AGPAT4: variants seen among roughly 807,000 people sequenced by gnomAD.
AGPAT4 encodes 1-acyl-sn-glycerol-3-phosphate acyltransferase delta.
A neutral mutation model predicts 48.0 loss-of-function variants in AGPAT4; 15 were observed. The ratio of observed to expected loss-of-function variants is 0.31; its 90% CI spans 0.21 to 0.48. The LOEUF (loss-of-function observed/expected upper bound fraction) is 0.48. Ranked by LOEUF, AGPAT4 falls within the 20% of genes least tolerant of loss-of-function variation. AGPAT4 has a pLI of 0.99. For missense variants in AGPAT4, 314 were observed against 482.5 expected, an observed-to-expected ratio of 0.65 and a Z score of 3.27; for synonymous variants, 178 against 198.7, an observed-to-expected ratio of 0.90 and a Z score of 0.88.
At chr6:161,193,361 G>T (rs1435555041) in intron 2 of AGPAT4, among the ~76,000 whole-genome samples, 1 of 152,050 alleles carries the variant, frequency 6.6e-6, no homozygotes, top group Non-Finnish European at 1.5e-5. Context: ...AACCTCCTAG[G>T]TTAATTTTTA....
At chr6:161,213,813 C>T (rs1781577096) in intron 2 of AGPAT4, among the ~76,000 whole-genome samples, 1 of 152,082 alleles carries the variant, frequency 6.6e-6, no homozygotes, top group Non-Finnish European at 1.5e-5. Flanking sequence ...AACTTAGATC[C>T]TACCTGTCTA....
In AGPAT4 at chr6:161,248,420, A is replaced by G. The variant is rs889658347; in HGVS notation, c.-89-16118T>C. ...AAACTCCGTCTCCACTAAAAATACA[A>G]AAAATTAGCCGGGCATGGTGGTGGG... On this transcript the variant is annotated intron_variant, in intron 1 of 8. Transcript: ENST00000320285. Among the ~76,000 whole-genome samples, 4 of 94,654 alleles carry G rather than the reference A, an allele frequency of 4.2e-5. No individual in the cohort carries two copies. In the South Asian group the frequency reaches 1.3e-3, roughly 30 times the overall value. 62.1% of individuals were successfully genotyped at this position (94,654 alleles called of 152,430 possible). A position where few individuals can be genotyped will look rare whatever the true frequency, so the allele number is the denominator to read the frequency against.
Position 161,165,851 on chromosome 6 carries a change from C to T in AGPAT4, c.348+397G>A. ...GATGTCTGCCTGTTAGCCAAGGAGGCAGTAGAGCATGGAATTAAGAAATAT... is the reference window on the plus strand; with the variant it reads ...GATGTCTGCCTGTTAGCCAAGGAGGTAGTAGAGCATGGAATTAAGAAATAT... On this transcript the variant is annotated intron_variant, in intron 3 of 8. Coordinates refer to ENST00000320285, the MANE Select transcript of AGPAT4 (RefSeq NM_020133.3). This position sits in a 1 kb window ranked among gnomAD's most constrained non-coding sequence, Gnocchi z 5.5. 3.4e-6 allele frequency: 2 copies of T among 591,648 alleles called. No homozygotes were observed. Among genetic ancestry groups the T allele is most frequent in the East Asian group, 6.3e-5 (2 of 31,962 alleles). The allele number at this position is 591,648 out of a possible 1,614,324, so 36.6% of individuals were successfully genotyped here.
rs570817201 is a variant in AGPAT4, at chr6:161,233,631, T to G, written c.-89-1329A>C. Among the ~76,000 whole-genome samples the G allele has an allele frequency of 3.3e-5, 5 of 152,356 alleles. No individual in the cohort carries two copies. The highest frequency in any genetic ancestry group is 1.2e-4 in the African/African-American group (5 of 41,590). On this transcript the variant is annotated intron_variant, in intron 1 of 8. Coordinates refer to ENST00000320285, the MANE Select transcript of AGPAT4 (RefSeq NM_020133.3). This position sits in a 1 kb window ranked among gnomAD's most constrained non-coding sequence, Gnocchi z 5.4. Reference sequence around the variant, plus strand: ...ACAGTATTCAATAAATTACAAGGCCTATTCAGCACTTTGTTATAAAATAGG... The same window carrying G: ...ACAGTATTCAATAAATTACAAGGCCGATTCAGCACTTTGTTATAAAATAGG...
intron 3 of AGPAT4, among the ~76,000 whole-genome samples, chr6:161,163,099 T>G (rs1451588374): frequency 6.6e-6 from 1 of 152,272 alleles, no homozygotes; most frequent in African/African-American, 2.4e-5. Flanking sequence ...AGCAGTGGCC[T>G]CATGGGATCT....
intron 2 of AGPAT4, among the ~76,000 whole-genome samples, chr6:161,185,283 C>CTT (rs35820706): frequency 9.1e-4 from 99 of 109,238 alleles, no homozygotes; most frequent in East Asian, 2.1e-3. Flanking sequence ...TTTAAGATGT[C>CTT]TTTTTTTTTT....
chr6:161,272,594 T>C lies in AGPAT4; in HGVS notation c.-90+1344A>G, dbSNP rs1382155268. On this transcript the variant is annotated intron_variant, in intron 1 of 8. Coordinates refer to ENST00000320285, the MANE Select transcript of AGPAT4 (RefSeq NM_020133.3). This position sits in a 1 kb window ranked among gnomAD's most constrained non-coding sequence, Gnocchi z 4.2. The stretch of plus-strand genomic sequence containing the variant: ...AGATAATAATTTTCTCATTTCATAT[T>C]TTTTCTGAATAACAGTTTTTCTCCC... Among the ~76,000 whole-genome samples, 3 of 152,150 alleles carry C rather than the reference T, an allele frequency of 2.0e-5. No individual in the cohort carries two copies. Among genetic ancestry groups the C allele is most frequent in the Non-Finnish European group, 4.4e-5 (3 of 68,042 alleles).
intron 1 of AGPAT4, among the ~76,000 whole-genome samples, chr6:161,268,815 G>A (rs1459422441): frequency 6.6e-6 from 1 of 152,166 alleles, no homozygotes; most frequent in Non-Finnish European, 1.5e-5. Flanking sequence ...TGGAACTTAA[G>A]TGGGGGAAAA....
chr6:161,163,926 C>A (rs902032955), intron 3 of AGPAT4, among the ~76,000 whole-genome samples: 2 of 152,190 alleles, frequency 1.3e-5, no homozygotes, highest in African/African-American at 4.8e-5. Context: ...ACAGTCTCCA[C>A]CATCAGTGGC....
rs535274661 is a variant in AGPAT4 at position 161,144,622 on chromosome 6, G to A, written c.843+1902C>T. 2.0e-3 allele frequency among the ~76,000 whole-genome samples: 301 copies of A among 152,232 alleles called. 2 individuals are homozygous for A. Among genetic ancestry groups the A allele is most frequent in the Admixed American group, 3.2e-3 (49 of 15,294 alleles). On this transcript the variant is annotated intron_variant, in intron 7 of 8. Transcript: ENST00000320285. The surrounding 1 kb of genome is among the most constrained non-coding windows in gnomAD (Gnocchi z 6.6). ...ACGTTTATTGTAGATTTGTTTGTGT[G>A]GCTCTTTACAAAAGAGGCTCATTTT...
At chr6:161,213,782 A>G (rs901291438) in intron 2 of AGPAT4, among the ~76,000 whole-genome samples, 1 of 152,182 alleles carries the variant, frequency 6.6e-6, no homozygotes, top group Non-Finnish European at 1.5e-5. Flanking sequence ...GAATAACCTT[A>G]TAAAAATGAG....
At chr6:161,273,376 A>G (rs1783485967) in intron 1 of AGPAT4, among the ~76,000 whole-genome samples, 1 of 152,150 alleles carries the variant, frequency 6.6e-6, no homozygotes, top group South Asian at 2.1e-4. Flanking sequence ...GCCACAAGCC[A>G]TGCTGGATTT....
chr6:161,215,917 A>G lies in AGPAT4; in HGVS notation c.178+16119T>C, dbSNP rs1048520275. ...ATAGTCAAGTTTATCTATGCCGGCA[A>G]GCAAAACTCTTCGCATGCACCCTGC... On this transcript the variant is annotated intron_variant, in intron 2 of 8. Coordinates refer to ENST00000320285, the MANE Select transcript of AGPAT4 (RefSeq NM_020133.3). The surrounding 1 kb of genome is among the most constrained non-coding windows in gnomAD (Gnocchi z 4.5). Among the ~76,000 whole-genome samples, 3 of 152,214 alleles carry G rather than the reference A, an allele frequency of 2.0e-5. No individual in the cohort carries two copies. The highest frequency in any genetic ancestry group is 7.2e-5 in the African/African-American group (3 of 41,442).
At position 161,232,345 on chromosome 6, in the gene AGPAT4, T is replaced by C. The variant is rs1782145131; in HGVS notation, c.-89-43A>G. 1.1e-6 allele frequency: 1 copy of C among 912,718 alleles called. No individual in the cohort carries two copies. 56.5% of individuals were successfully genotyped at this position (912,718 alleles called of 1,614,324 possible). A position where few individuals can be genotyped will look rare whatever the true frequency, so the allele number is the denominator to read the frequency against. On this transcript the variant is annotated intron_variant, in intron 1 of 8. Transcript: ENST00000320285. The surrounding 1 kb of genome is among the most constrained non-coding windows in gnomAD (Gnocchi z 6.8). ...AGGAAATGTTAGCAAAAACACGATG[T>C]GCTTTTAGAGTCAGAAAAAAAGTGC...
intron 3 of AGPAT4, among the ~76,000 whole-genome samples, chr6:161,163,500 C>T (rs1779998141): frequency 6.6e-6 from 1 of 152,096 alleles, no homozygotes; most frequent in Non-Finnish European, 1.5e-5. Context: ...GAGATGAGCA[C>T]CAGCCATCTC....
chr6:161,214,966 C>A lies in AGPAT4; in HGVS notation c.178+17070G>T, dbSNP rs750349556. 1.3e-5 allele frequency among the ~76,000 whole-genome samples: 2 copies of A among 152,094 alleles called. No individual in the cohort carries two copies. Among genetic ancestry groups the A allele is most frequent in the Non-Finnish European group, 1.5e-5 (1 of 68,016 alleles). ...TGGCCTGCCTTAGATAAGACTGAGA[C>A]AAAGGCAACAGGCCCATCTGCAGTT... On this transcript the variant is annotated intron_variant, in intron 2 of 8. Transcript: ENST00000320285. The surrounding 1 kb of genome is among the most constrained non-coding windows in gnomAD (Gnocchi z 5.4).
intron 5 of AGPAT4, among the ~76,000 whole-genome samples, chr6:161,152,725 G>A (rs1371028219): frequency 1.3e-5 from 2 of 152,166 alleles, no homozygotes; most frequent in African/African-American, 4.8e-5. Context: ...CTTTGCCTGA[G>A]AAGGAGCACA....
intron 8 of AGPAT4, 102 bp from the exon 9 acceptor site, chr6:161,136,736 G>A (rs1779079762): frequency 1.3e-5 from 13 of 1,001,390 alleles, no homozygotes; most frequent in Admixed American, 3.9e-5. Context: ...AATCACAAGC[G>A]CCAGCTCAGA....
intron 1 of AGPAT4, among the ~76,000 whole-genome samples, chr6:161,268,970 T>C (rs1360621489): frequency 6.6e-6 from 1 of 152,142 alleles, no homozygotes; most frequent in African/African-American, 2.4e-5. Context: ...CTGTAGGGGG[T>C]TGAAACCCAC....
Sources: allele counts gnomAD v4.1 joint callset (sites outside exome capture counted in the v4.1 genomes callset), GRCh38; gene constraint gnomAD v4.1.1; non-coding constraint Gnocchi (gnomAD v3.1); transcripts MANE v1.5; gene names NCBI Gene and HGNC (gene_info 2026-07-23, HGNC 2026-07-21).